The following TNR variants were observed in gnomAD, a reference collection of about 807,000 sequenced individuals.
TNR encodes tenascin R, also known as tenascin-R.
A neutral mutation model predicts 150.4 loss-of-function variants in TNR; 45 were observed. That is an observed-to-expected ratio of 0.30 (90% CI 0.24 to 0.38). TNR has a LOEUF of 0.38. Among genes scored for constraint, TNR ranks in the 10% least tolerant of loss-of-function variants. TNR has a pLI of 1.00. For synonymous variants in TNR, 687 were observed against 678.4 expected (o/e 1.01, Z -0.20); for missense variants, 1,544 against 1,759.1 (o/e 0.88, Z 2.19).
chr1:175,537,268 T>G (rs1394031402), intron 1 of TNR, among the ~76,000 whole-genome samples: 2 of 152,150 alleles, frequency 1.3e-5, no homozygotes, highest in Non-Finnish European at 1.5e-5. Flanking sequence ...AGGCCAAAAA[T>G]GAAAGAGAAA....
chr1:175,585,623 C>T (rs1662532467), intron 1 of TNR, among the ~76,000 whole-genome samples: 1 of 152,200 alleles, frequency 6.6e-6, no homozygotes, highest in Admixed American at 6.5e-5. Context: ...GCTCGAAAGA[C>T]AGGAAGACCT....
chr1:175,694,634 G>A (rs115120614), intron 1 of TNR, among the ~76,000 whole-genome samples: 28 of 152,202 alleles, frequency 1.8e-4, no homozygotes, highest in African/African-American at 3.9e-4. Context: ...ATCCTACCCC[G>A]CCCAGTACTT....
intron 1 of TNR, among the ~76,000 whole-genome samples, chr1:175,551,038 C>T (rs1006479355): frequency 3.3e-5 from 5 of 152,150 alleles, no homozygotes; most frequent in African/African-American, 9.6e-5. Flanking sequence ...CAACTTCCAA[C>T]CAACAGGAGT....
At chr1:175,651,101 C>T (rs1343780549) in intron 1 of TNR, among the ~76,000 whole-genome samples, 11 of 73,904 alleles carry the variant, frequency 1.5e-4, no homozygotes, top group African/African-American at 6.5e-4. Context: ...CTCATTACTA[C>T]CCCTCCCCAT....
intron 1 of TNR, among the ~76,000 whole-genome samples, chr1:175,712,243 G>A (rs984813579): frequency 1.3e-5 from 2 of 152,050 alleles, no homozygotes; most frequent in Admixed American, 6.6e-5. Flanking sequence ...TGCGTATCTT[G>A]CCCAAGCTCA....
At chr1:175,723,812 A>G (rs1323848260) in intron 1 of TNR, among the ~76,000 whole-genome samples, 2 of 152,214 alleles carry the variant, frequency 1.3e-5, no homozygotes, top group African/African-American at 2.4e-5. Flanking sequence ...CTGAGGTTTC[A>G]GTGAGCCAAG....
intron 1 of TNR, among the ~76,000 whole-genome samples, chr1:175,550,836 A>G (rs1388799663): frequency 6.6e-6 from 1 of 152,102 alleles, no homozygotes; most frequent in Non-Finnish European, 1.5e-5. Flanking sequence ...ATAGGATCCT[A>G]CTTACAAAGG....
chr1:175,390,338 A>G (rs1228949630), intron 7 of TNR, among the ~76,000 whole-genome samples: 3 of 152,378 alleles, frequency 2.0e-5, no homozygotes, highest in East Asian at 1.9e-4. Flanking sequence ...TGAAAAACAC[A>G]TAAAGCTGTA....
intron 1 of TNR, among the ~76,000 whole-genome samples, chr1:175,734,137 C>G (rs888515189): frequency 2.6e-5 from 4 of 152,208 alleles, no homozygotes; most frequent in African/African-American, 9.6e-5. Context: ...AGGGCCTCCC[C>G]ACTCCATGGG....
intron 2 of TNR, among the ~76,000 whole-genome samples, chr1:175,465,952 C>T (rs1462735120): frequency 1.3e-5 from 2 of 152,136 alleles, no homozygotes; most frequent in Non-Finnish European, 2.9e-5. Context: ...CATTTTCATA[C>T]CCTAAATCTG....
chr1:175,690,245 C>T (rs1369259808), intron 1 of TNR, among the ~76,000 whole-genome samples: 5 of 152,186 alleles, frequency 3.3e-5, no homozygotes, highest in Non-Finnish European at 7.3e-5. Context: ...CTGTTATAGG[C>T]TCTGAAGTAC....
chr1:175,558,537 A>G (rs2102207480), intron 1 of TNR, among the ~76,000 whole-genome samples: 1 of 152,318 alleles, frequency 6.6e-6, no homozygotes, highest in Admixed American at 6.5e-5. Flanking sequence ...TCTAACTCAA[A>G]GTCATATTCT....
chr1:175,393,681 G>A, intron 6 of TNR, 99 bp downstream of exon 6: 1 of 918,452 alleles, frequency 1.1e-6, no homozygotes, highest in Non-Finnish European at 1.8e-6. Context: ...GGCATGGAGA[G>A]AGATATTGGG....
chr1:175,351,717 T>G (rs1330337835), intron 18 of TNR, among the ~76,000 whole-genome samples: 1 of 152,230 alleles, frequency 6.6e-6, no homozygotes, highest in Non-Finnish European at 1.5e-5. Context: ...CAGCAGAGTT[T>G]GGTATACATG....
intron 20 of TNR, among the ~76,000 whole-genome samples, chr1:175,331,068 T>G (rs1457405454): frequency 3.0e-5 from 4 of 133,348 alleles, no homozygotes; most frequent in African/African-American, 1.2e-4. Context: ...TTTCTTTCTT[T>G]CTTTCTTTCC....
intron 2 of TNR, among the ~76,000 whole-genome samples, chr1:175,460,113 G>T (rs1656749904): frequency 6.6e-6 from 1 of 152,272 alleles, no homozygotes; most frequent in South Asian, 2.1e-4. Flanking sequence ...GGTTAATCTG[G>T]TTTTTCCCCT....
At chr1:175,676,977 C>G (rs1182456954) in intron 1 of TNR, among the ~76,000 whole-genome samples, 7 of 152,190 alleles carry the variant, frequency 4.6e-5, no homozygotes, top group African/African-American at 1.4e-4. Flanking sequence ...GACTGGGGCT[C>G]AGAGGGTAAG....
At chr1:175,388,556 C>T (rs911812662) in intron 7 of TNR, among the ~76,000 whole-genome samples, 2 of 152,236 alleles carry the variant, frequency 1.3e-5, no homozygotes, top group Non-Finnish European at 2.9e-5. Context: ...AAACAGCACA[C>T]AGGATTGGGA....
chr1:175,477,793 G>A (rs1175676224), intron 2 of TNR, among the ~76,000 whole-genome samples: 1 of 152,192 alleles, frequency 6.6e-6, no homozygotes, highest in Non-Finnish European at 1.5e-5. Context: ...TACAAACACA[G>A]GGCTGGAAGA....
Sources: gnomAD v4.1 joint callset for allele counts (sites outside exome capture counted in the v4.1 genomes callset) on GRCh38, gnomAD v4.1.1 for gene constraint, MANE v1.5 for transcripts, NCBI Gene and HGNC (gene_info 2026-07-23, HGNC 2026-07-21) for gene names.